The following ST8SIA4 variants were observed in gnomAD, a reference collection of about 807,000 sequenced individuals.
ST8SIA4 encodes the protein ST8 alpha-N-acetyl-neuraminide alpha-2,8-sialyltransferase 4.
ST8SIA4 carries 15 observed loss-of-function variants against 33.9 expected under a neutral mutation model. The observed-to-expected ratio is 0.44, with a 90% CI of 0.30 to 0.68. ST8SIA4 has a LOEUF of 0.68. Ranked by LOEUF, ST8SIA4 falls within the 30% of genes least tolerant of loss-of-function variation. The pLI is 0.10. For missense variants in ST8SIA4, 321 were observed against 428.0 expected, an observed-to-expected ratio of 0.75 and a Z score of 2.21; for synonymous variants, 171 against 151.2, an observed-to-expected ratio of 1.13 and a Z score of -0.96.
At chr5:100,846,926 C>T (rs936298722) in intron 4 of ST8SIA4, among the ~76,000 whole-genome samples, 5 of 152,052 alleles carry the variant, frequency 3.3e-5, no homozygotes, top group Admixed American at 1.3e-4. Flanking sequence ...ATATGAATAA[C>T]GGGATCTGCT....
chr5:100,847,773 G>A (rs549748450), intron 4 of ST8SIA4, among the ~76,000 whole-genome samples: 7 of 152,148 alleles, frequency 4.6e-5, no homozygotes, highest in African/African-American at 1.2e-4. Context: ...TCCGTAAGAC[G>A]TAATTTTTCC....
chr5:100,826,835 G>T (rs1358798296), intron 4 of ST8SIA4, among the ~76,000 whole-genome samples: 2 of 151,578 alleles, frequency 1.3e-5, no homozygotes, highest in Non-Finnish European at 2.9e-5. Context: ...GTTATATGTT[G>T]TATATTATAT....
chr5:100,882,548 A>T (rs1752448571), intron 3 of ST8SIA4, among the ~76,000 whole-genome samples: 1 of 152,262 alleles, frequency 6.6e-6, no homozygotes. Context: ...ATAAGTAACA[A>T]GGAGCAGAAT....
rs1328311553 is a variant in ST8SIA4, at chr5:100,855,731, C to T, written c.797+372G>A. On this transcript the variant is annotated intron_variant, in intron 4 of 4. Coordinates refer to ENST00000231461, the MANE Select transcript of ST8SIA4 (RefSeq NM_005668.6). ...TTAATTGCTCCTTAAATATATCTAA[C>T]ATTTATGCTTACACAATATTGCCCA... Among the ~76,000 whole-genome samples, 3 of 152,162 alleles carry T rather than the reference C, an allele frequency of 2.0e-5. No individual in the cohort carries two copies. In the East Asian group the frequency reaches 5.8e-4, roughly 29 times the overall value.
chr5:100,868,005 A>G (rs1444931386), intron 3 of ST8SIA4, among the ~76,000 whole-genome samples: 5 of 152,116 alleles, frequency 3.3e-5, no homozygotes, highest in East Asian at 3.9e-4. Flanking sequence ...CCTAGCTGTA[A>G]TGCCTGATCC....
At chr5:100,814,388 A>G (rs1405431630) in intron 4 of ST8SIA4, among the ~76,000 whole-genome samples, 1 of 152,030 alleles carries the variant, frequency 6.6e-6, no homozygotes, top group Non-Finnish European at 1.5e-5. Context: ...TAGCTTTAGA[A>G]ATGCTAACAG....
At chr5:100,852,005 AC>A (rs1185094316) in intron 4 of ST8SIA4, among the ~76,000 whole-genome samples, 1 of 151,850 alleles carries the variant, frequency 6.6e-6, no homozygotes, top group Non-Finnish European at 1.5e-5. Context: ...TTTTCTTAGA[AC>A]TGTATAAATA....
chr5:100,900,302 C>G (rs1356039786), intron 1 of ST8SIA4: 1 of 410,312 alleles, frequency 2.4e-6, no homozygotes, highest in Non-Finnish European at 5.0e-6. Flanking sequence ...AGGCCAGAGA[C>G]TGCCTTGGTT....
chr5:100,842,392 G>C (rs1021782283), intron 4 of ST8SIA4, among the ~76,000 whole-genome samples: 1 of 151,748 alleles, frequency 6.6e-6, no homozygotes, highest in Non-Finnish European at 1.5e-5. Flanking sequence ...TGGATTATTT[G>C]ATTATAGCAC....
intron 4 of ST8SIA4, among the ~76,000 whole-genome samples, chr5:100,815,527 T>A (rs774169270): frequency 2.6e-5 from 4 of 151,934 alleles, no homozygotes; most frequent in Non-Finnish European, 4.4e-5. Flanking sequence ...CTGGACTTTA[T>A]GTGTTAATAG....
chr5:100,839,438 T>C (rs976059209), intron 4 of ST8SIA4, among the ~76,000 whole-genome samples: 1 of 152,022 alleles, frequency 6.6e-6, no homozygotes, highest in African/African-American at 2.4e-5. Context: ...AGAATTTATG[T>C]TCTCTTTGTT....
At chr5:100,890,138 T>C (rs1752628630) in intron 2 of ST8SIA4, among the ~76,000 whole-genome samples, 1 of 151,852 alleles carries the variant, frequency 6.6e-6, no homozygotes, top group African/African-American at 2.4e-5. Flanking sequence ...AAGTAATTAC[T>C]ATGAGTGAAT....
chr5:100,887,410 T>C (rs1344054828), intron 2 of ST8SIA4, among the ~76,000 whole-genome samples: 1 of 152,110 alleles, frequency 6.6e-6, no homozygotes, highest in Non-Finnish European at 1.5e-5. Context: ...GTTAGTTTTC[T>C]TAATTAAATA....
chr5:100,854,211 G>A (rs1485144579), intron 4 of ST8SIA4, among the ~76,000 whole-genome samples: 2 of 151,816 alleles, frequency 1.3e-5, no homozygotes, highest in African/African-American at 4.8e-5. Flanking sequence ...TCCAAATGCA[G>A]TATTTTTATC....
intron 3 of ST8SIA4, among the ~76,000 whole-genome samples, chr5:100,881,489 T>G (rs896088714): frequency 1.3e-5 from 2 of 152,204 alleles, no homozygotes; most frequent in Non-Finnish European, 2.9e-5. Flanking sequence ...TTAATATTAC[T>G]AGTTATCTAG....
At chr5:100,824,133 T>C (rs1279139530) in intron 4 of ST8SIA4, among the ~76,000 whole-genome samples, 2 of 152,196 alleles carry the variant, frequency 1.3e-5, no homozygotes, top group Non-Finnish European at 2.9e-5. Context: ...AAAGGCAATC[T>C]GTGGGAGTTG....
At chr5:100,841,510 T>C in intron 4 of ST8SIA4, among the ~76,000 whole-genome samples, 1 of 151,888 alleles carries the variant, frequency 6.6e-6, no homozygotes, top group East Asian at 1.9e-4. Context: ...TGGAAACCTC[T>C]AGAGGGTATT....
At chr5:100,869,559 C>A (rs1580472768) in intron 3 of ST8SIA4, among the ~76,000 whole-genome samples, 1 of 152,034 alleles carries the variant, frequency 6.6e-6, no homozygotes, top group Non-Finnish European at 1.5e-5. Flanking sequence ...TTTTATTTAT[C>A]TGTTTATTAT....
intron 2 of ST8SIA4, among the ~76,000 whole-genome samples, chr5:100,888,213 A>AC: frequency 6.6e-6 from 1 of 151,256 alleles, no homozygotes; most frequent in East Asian, 1.9e-4. Context: ...AAAAAAAAAA[A>AC]CATATATATA....
Sources: gnomAD v4.1 joint callset for allele counts (sites outside exome capture counted in the v4.1 genomes callset) on GRCh38, gnomAD v4.1.1 for gene constraint, MANE v1.5 for transcripts, NCBI Gene and HGNC (gene_info 2026-07-23, HGNC 2026-07-21) for gene names.